The following EYS variants were observed in gnomAD, a reference collection of about 807,000 sequenced individuals.
EYS encodes EGF-like photoreceptor maintenance factor, also known as protein eyes shut homolog.
In EYS, 250 loss-of-function variants were observed where a neutral mutation model predicts 282.1. That is an observed-to-expected ratio of 0.89 (90% confidence interval 0.80 to 0.98). The LOEUF is 0.98. EYS is among the 50% of genes least tolerant of loss of function. The pLI is 0.00. For synonymous variants in EYS, 1,355 were observed against 1,282.9 expected (o/e 1.06, Z -1.20); for missense variants, 4,016 against 3,709.0 (o/e 1.08, Z -2.15).
At chr6:63,924,961 C>T (rs1320634042) in intron 35 of EYS, among the ~76,000 whole-genome samples, 1 of 152,122 alleles carries the variant, frequency 6.6e-6, no homozygotes, top group East Asian at 1.9e-4. Flanking sequence ...TCACCACTAC[C>T]CGCAACATTG....
chr6:64,531,493 TCTC>T (rs1764334134), intron 26 of EYS, among the ~76,000 whole-genome samples: 2 of 151,082 alleles, frequency 1.3e-5, no homozygotes, highest in Admixed American at 6.6e-5. Flanking sequence ...TTCACGCCAT[TCTC>T]CTGCCTCAGC....
intron 15 of EYS, among the ~76,000 whole-genome samples, chr6:64,938,603 G>GT (rs1768988278): frequency 3.3e-5 from 5 of 151,542 alleles, no homozygotes; most frequent in South Asian, 4.2e-4. Flanking sequence ...CAACAATTAT[G>GT]TTTTTTTGCT....
intron 30 of EYS, among the ~76,000 whole-genome samples, chr6:64,261,787 G>GTTTTTTTTTT (rs55966462): frequency 6.9e-6 from 1 of 144,746 alleles, no homozygotes. Context: ...AGGTTATTTT[G>GTTTTTTTTTT]TTTTTTTTTT....
rs769610414 is a variant in EYS, at chr6:65,005,356, T to TA, written c.2138-7654dup. Among the ~76,000 whole-genome samples, 25 of 147,658 alleles carry TA rather than the reference T, an allele frequency of 1.7e-4. 3 individuals carry two copies. In the East Asian group the frequency reaches 2.5e-3, roughly 15 times the overall value. On this transcript the variant is annotated intron_variant, in intron 13 of 42. Coordinates refer to ENST00000503581, the MANE Select transcript of EYS (RefSeq NM_001142800.2). ...CGGCTTCTAATAGAGCTATAACACT[T>TA]ACCGCATGGCCCAAGATTCCATTCC...
intron 2 of EYS, among the ~76,000 whole-genome samples, chr6:65,617,285 T>C (rs1766236514): frequency 6.6e-6 from 1 of 152,138 alleles, no homozygotes; most frequent in Non-Finnish European, 1.5e-5. Context: ...AACGAAGCTA[T>C]TGATTTACTT....
chr6:65,406,080 T>C (rs1289548189), intron 5 of EYS, among the ~76,000 whole-genome samples: 1 of 152,080 alleles, frequency 6.6e-6, no homozygotes, highest in African/African-American at 2.4e-5. Context: ...TTGCCAACAT[T>C]TGATATTGTC....
At chr6:64,891,501 T>C (rs1767291899) in intron 18 of EYS, among the ~76,000 whole-genome samples, 1 of 152,024 alleles carries the variant, frequency 6.6e-6, no homozygotes, top group South Asian at 2.1e-4. Context: ...CTTCAAAACG[T>C]TAAAAAAATA....
intron 22 of EYS, among the ~76,000 whole-genome samples, chr6:64,771,397 G>C (rs1773518457): frequency 6.6e-6 from 1 of 151,244 alleles, no homozygotes; most frequent in South Asian, 2.1e-4. Context: ...ATTTCATATT[G>C]ATTTTGATTT....
In EYS at chr6:64,393,312, G is replaced by C. The variant is rs139977616; in HGVS notation, c.5928-4472C>G. On this transcript the variant is annotated intron_variant, in intron 28 of 42. Transcript: ENST00000503581. ...CAGCATCATTCTGATACCAAAACCA[G>C]GCAGAGATACAACAAAAAAAGAGAA... Among the ~76,000 whole-genome samples, 646 of 152,184 alleles carry C rather than the reference G, an allele frequency of 4.2e-3. 5 individuals carry two copies. The highest frequency in any genetic ancestry group is 0.015 in the African/African-American group (602 of 41,514).
intron 11 of EYS, among the ~76,000 whole-genome samples, chr6:65,319,219 A>AG (rs1554183700): frequency 2.0e-5 from 3 of 147,358 alleles, no homozygotes; most frequent in African/African-American, 4.9e-5. Context: ...AAAAAAAAAA[A>AG]AAAAAAAACA....
chr6:65,437,759 A>G (rs1405930061), intron 5 of EYS, among the ~76,000 whole-genome samples: 2 of 152,098 alleles, frequency 1.3e-5, no homozygotes, highest in Non-Finnish European at 2.9e-5. Flanking sequence ...TATCTCCTTT[A>G]TGCAAACGTT....
intron 1 of EYS, among the ~76,000 whole-genome samples, chr6:65,689,419 A>T (rs1415658132): frequency 1.3e-5 from 2 of 149,928 alleles, no homozygotes; most frequent in East Asian, 4.6e-4. Flanking sequence ...GATATACCTA[A>T]TGTTAAATGA....
At chr6:64,882,156 A>T (rs1053016898) in intron 19 of EYS, among the ~76,000 whole-genome samples, 5 of 151,770 alleles carry the variant, frequency 3.3e-5, no homozygotes, top group African/African-American at 1.2e-4. Context: ...AGTACACAGT[A>T]CCCAAATACC....
At chr6:64,392,029 A>G (rs1484846188) in intron 28 of EYS, among the ~76,000 whole-genome samples, 3 of 151,980 alleles carry the variant, frequency 2.0e-5, no homozygotes, top group Admixed American at 6.5e-5. Context: ...GAGACAAAGA[A>G]GGCCATTACA....
chr6:63,720,685 C>A lies in EYS; in HGVS notation c.9346G>T (p.Val3116Leu). 3 of 1,545,308 alleles carry A rather than the reference C, an allele frequency of 1.9e-6. No homozygotes were observed. Among genetic ancestry groups the A allele is most frequent in the Non-Finnish European group, 2.6e-6 (3 of 1,145,096 alleles). ...TNFVGKIKDV[V>L]FFQEPKNIEL... ...ATGTTTTTTGGTTCCTGAAAAAATA[C>A]AACATCTTTAATTTTGCCAACAAAA... is the stretch of plus-strand genomic sequence containing the variant. The change falls in exon 43 of 43, where the codon GTA (valine) becomes TTA (leucine). Residue 3116 changes from valine to leucine, a missense_variant. Coordinates refer to ENST00000503581, the MANE Select transcript of EYS (RefSeq NM_001142800.2).
intron 8 of EYS, among the ~76,000 whole-genome samples, chr6:65,379,243 C>A (rs1049780102): frequency 3.9e-5 from 6 of 151,956 alleles, no homozygotes; most frequent in Admixed American, 3.3e-4. Context: ...TGGAATCCAG[C>A]AGCACATCAA....
chr6:64,826,958 T>C (rs1765079755), intron 19 of EYS, among the ~76,000 whole-genome samples: 1 of 151,716 alleles, frequency 6.6e-6, no homozygotes, highest in Non-Finnish European at 1.5e-5. Context: ...ATCTTTCCTT[T>C]CTTGTCGCTG....
At chr6:64,698,931 C>G (rs1253511551) in intron 22 of EYS, among the ~76,000 whole-genome samples, 1 of 152,086 alleles carries the variant, frequency 6.6e-6, no homozygotes, top group Non-Finnish European at 1.5e-5. Context: ...CCTCAAAGAG[C>G]TAAAAGCAGA....
At chr6:63,954,626 A>T (rs991834994) in intron 35 of EYS, among the ~76,000 whole-genome samples, 1 of 152,192 alleles carries the variant, frequency 6.6e-6, no homozygotes, top group African/African-American at 2.4e-5. Flanking sequence ...GGTAACGCTT[A>T]TGCTGATAAG....
Sources: gnomAD v4.1 joint callset for allele counts (sites outside exome capture counted in the v4.1 genomes callset) on GRCh38, gnomAD v4.1.1 for gene constraint, MANE v1.5 for transcripts, NCBI Gene and HGNC (gene_info 2026-07-23, HGNC 2026-07-21) for gene names.